The following NPTN variants were observed in gnomAD, a reference collection of about 807,000 sequenced individuals.
NPTN encodes SDR-1.
In NPTN, 5 loss-of-function variants were observed where a neutral mutation model predicts 42.7. The observed-to-expected ratio is 0.12, with a 90% CI of 0.06 to 0.25. NPTN has a LOEUF of 0.25. Among genes scored for constraint, NPTN ranks in the 10% least tolerant of loss-of-function variants. The pLI, the probability that NPTN is intolerant of heterozygous loss-of-function variation, is 1.00. For missense variants in NPTN, 307 were observed against 525.4 expected (o/e 0.58, Z 4.06); for synonymous variants, 180 against 201.9 (o/e 0.89, Z 0.92).
intron 1 of NPTN, among the ~76,000 whole-genome samples, chr15:73,626,811 A>G (rs1898438106): frequency 6.6e-6 from 1 of 152,230 alleles, no homozygotes; most frequent in African/African-American, 2.4e-5. Flanking sequence ...AGAAACTTAC[A>G]TAATATATCC....
intron 1 of NPTN, among the ~76,000 whole-genome samples, chr15:73,620,338 C>G (rs1566989961): frequency 6.6e-6 from 1 of 152,128 alleles, no homozygotes; most frequent in Non-Finnish European, 1.5e-5. Context: ...GTCCTAGGGA[C>G]TAAGTACTAT....
intron 2 of NPTN, among the ~76,000 whole-genome samples, chr15:73,595,996 A>T (rs1194238596): frequency 2.0e-5 from 3 of 152,182 alleles, no homozygotes; most frequent in Admixed American, 2.0e-4. Flanking sequence ...CTCTTTTTTC[A>T]AGACACAAAG....
intron 8 of NPTN, among the ~76,000 whole-genome samples, chr15:73,561,457 A>G (rs953895814): frequency 3.9e-5 from 6 of 152,198 alleles, no homozygotes; most frequent in South Asian, 2.1e-4. Context: ...AGGCAGGCGG[A>G]TCACTTGAGG....
chr15:73,581,062 C>T (rs1456633766), intron 4 of NPTN, among the ~76,000 whole-genome samples: 4 of 152,166 alleles, frequency 2.6e-5, no homozygotes, highest in Admixed American at 2.6e-4. Context: ...AAAGGAAAGG[C>T]TAAGGCTTCG....
chr15:73,597,662 T>C lies in NPTN; in HGVS notation c.92-293A>G, dbSNP rs2141410710. 6.6e-6 allele frequency among the ~76,000 whole-genome samples: 1 copy of C among 152,302 alleles called. No individual in the cohort carries two copies. Among genetic ancestry groups the C allele is most frequent in the South Asian group, 2.1e-4 (1 of 4,820 alleles). On this transcript the variant is annotated intron_variant, in intron 1 of 8. Coordinates refer to ENST00000345330, the MANE Select transcript of NPTN (RefSeq NM_012428.4). This position sits in a 1 kb window ranked among gnomAD's most constrained non-coding sequence, Gnocchi z 6.3. ...AGCCCACTGGAAAGCATTTTAGCAA[T>C]GGGCCCAGCTGGTAGGAATGAGAAA...
At position 73,597,095 on chromosome 15, in the gene NPTN, G is replaced by A. The variant is rs1896867486; in HGVS notation, c.366C>T (p.Pro122=). ...GTYECRASND[P]KRNDLRQNPS... The stretch of plus-strand genomic sequence containing the variant: ...GGTTTTGCCTCAAGTCATTCCTCTT[G>A]GGGTCGTTGCTGGCCCTGCACTCGT... The change falls in exon 2 of 9, where the codon CCC becomes CCT. Residue 122 remains proline (P), a synonymous_variant. Transcript: ENST00000345330. The surrounding 1 kb of genome is among the most constrained non-coding windows in gnomAD (Gnocchi z 6.3). 1 of 1,614,024 alleles carries A rather than the reference G, an allele frequency of 6.2e-7. No individual in the cohort carries two copies.
intron 2 of NPTN, among the ~76,000 whole-genome samples, chr15:73,592,781 A>C (rs967715801): frequency 6.6e-6 from 1 of 152,200 alleles, no homozygotes; most frequent in African/African-American, 2.4e-5. Flanking sequence ...CCTATTCCCA[A>C]AACAAGTTGT....
At chr15:73,586,688 AAAGAAC>A (rs1357010837) in intron 4 of NPTN, among the ~76,000 whole-genome samples, 2 of 152,244 alleles carry the variant, frequency 1.3e-5, no homozygotes, top group East Asian at 3.8e-4. Context: ...CTATGGATTT[AAAGAAC>A]AAGTCTGTGT....
intron 1 of NPTN, among the ~76,000 whole-genome samples, chr15:73,631,032 G>A (rs1328431864): frequency 3.9e-5 from 6 of 152,176 alleles, no homozygotes; most frequent in Admixed American, 2.0e-4. Context: ...CAAGGGAAAG[G>A]CCGTTCTATG....
At chr15:73,587,686 A>C in intron 3 of NPTN, 68 bp from the exon 4 acceptor site, 9 of 1,136,316 alleles carry the variant, frequency 7.9e-6, no homozygotes, top group Non-Finnish European at 1.2e-5. Flanking sequence ...CAGAAGGAGA[A>C]TCAAAGGGGC....
At chr15:73,576,703 T>G (rs1895719871) in intron 4 of NPTN, among the ~76,000 whole-genome samples, 1 of 152,132 alleles carries the variant, frequency 6.6e-6, no homozygotes, top group Admixed American at 6.5e-5. Flanking sequence ...TTTGCCCAAC[T>G]CGTAAGTATT....
chr15:73,564,138 T>C (rs1197418624), intron 6 of NPTN, among the ~76,000 whole-genome samples: 1 of 152,256 alleles, frequency 6.6e-6, no homozygotes, highest in East Asian at 1.9e-4. Context: ...TAAGCAGAGA[T>C]ACACATTCAC....
At position 73,597,379 on chromosome 15, in the gene NPTN, G is replaced by A. The variant is rs199789408; in HGVS notation, c.92-10C>T. 3.1e-6 allele frequency: 5 copies of A among 1,602,494 alleles called. No individual in the cohort carries two copies. The African/African-American group carries it at 4.0e-5, about 13-fold the overall frequency. On this transcript the variant is annotated splice_polypyrimidine_tract_variant and intron_variant, in intron 1 of 8. Coordinates refer to ENST00000345330, the MANE Select transcript of NPTN (RefSeq NM_012428.4). This position sits in a 1 kb window ranked among gnomAD's most constrained non-coding sequence, Gnocchi z 6.3. ...GACTTGACAAACCCAGCTAGAGGGA[G>A]GGGGAGCAGGAATGCAGTGACAGGC...
At chr15:73,578,694 T>C (rs1337367030) in intron 4 of NPTN, among the ~76,000 whole-genome samples, 1 of 152,180 alleles carries the variant, frequency 6.6e-6, no homozygotes, top group Non-Finnish European at 1.5e-5. Flanking sequence ...ATTTAACATA[T>C]GGCTAGGTGT....
chr15:73,609,384 G>A (rs1253182974), intron 1 of NPTN, among the ~76,000 whole-genome samples: 2 of 152,048 alleles, frequency 1.3e-5, no homozygotes, highest in African/African-American at 2.4e-5. Context: ...TAATCCCAGC[G>A]CTTTGGGAGG....
intron 1 of NPTN, among the ~76,000 whole-genome samples, chr15:73,599,316 A>T (rs1170019737): frequency 1.3e-5 from 2 of 152,076 alleles, no homozygotes; most frequent in Non-Finnish European, 2.9e-5. Context: ...AGCTAATATA[A>T]ACAAAGAAGT....
chr15:73,570,005 T>C lies in NPTN; in HGVS notation c.1114+145A>G. ...AATAAAAATAAAAAACTCTTACGGGTAGGGGGTTAGGAACTGGTATAAGAA... is the reference window on the plus strand; with the variant it reads ...AATAAAAATAAAAAACTCTTACGGGCAGGGGGTTAGGAACTGGTATAAGAA... On this transcript the variant is annotated intron_variant, in intron 6 of 8. Transcript: ENST00000345330. This position sits in a 1 kb window ranked among gnomAD's most constrained non-coding sequence, Gnocchi z 4.0. The C allele has an allele frequency of 1.4e-6, 1 of 719,074 alleles. No homozygotes were observed. Among genetic ancestry groups the C allele is most frequent in the Non-Finnish European group, 2.0e-6 (1 of 491,520 alleles). 44.5% of individuals were successfully genotyped at this position (719,074 alleles called of 1,614,324 possible).
At chr15:73,592,204 T>G (rs1896625153) in intron 2 of NPTN, 67 bp from the exon 3 acceptor site, 1 of 1,409,642 alleles carries the variant, frequency 7.1e-7, no homozygotes, top group East Asian at 2.4e-5. Context: ...GGCCTGAGAG[T>G]TGGACGGGGT....
chr15:73,617,302 T>G (rs1391874268), intron 1 of NPTN, among the ~76,000 whole-genome samples: 1 of 152,204 alleles, frequency 6.6e-6, no homozygotes, highest in Admixed American at 6.5e-5. Flanking sequence ...ACCAAAGTAT[T>G]ATTTGAAGTT....
Sources: gnomAD v4.1 joint callset for allele counts (sites outside exome capture counted in the v4.1 genomes callset) on GRCh38, gnomAD v4.1.1 for gene constraint, Gnocchi (gnomAD v3.1) non-coding constraint, MANE v1.5 for transcripts, NCBI Gene and HGNC (gene_info 2026-07-23, HGNC 2026-07-21) for gene names.